SLC2A9: variants seen among roughly 807,000 people sequenced by gnomAD.
SLC2A9 encodes the protein solute carrier family 2 member 9, also known as solute carrier family 2, facilitated glucose transporter member 9.
A neutral mutation model predicts 50.6 loss-of-function variants in SLC2A9; 39 were observed. The ratio of observed to expected loss-of-function variants is 0.77; its 90% CI spans 0.60 to 1.01. The LOEUF (loss-of-function observed/expected upper bound fraction) is 1.01, where lower values mean the gene tolerates loss of function less well. Among genes scored for constraint, SLC2A9 ranks in the 50% least tolerant of loss-of-function variants. The pLI, the probability that SLC2A9 is intolerant of heterozygous loss-of-function variation, is 0.00. For missense variants in SLC2A9, 686 were observed against 677.6 expected (o/e 1.01, Z -0.14); for synonymous variants, 324 against 276.9 (o/e 1.17, Z -1.69).
intron 6 of SLC2A9, among the ~76,000 whole-genome samples, chr4:9,941,658 G>A (rs571970928): frequency 5.9e-5 from 9 of 152,302 alleles, no homozygotes; most frequent in East Asian, 5.8e-4. Flanking sequence ...GGGAACCTGC[G>A]TCTTATCTTG....
In SLC2A9 at chr4:9,941,936, T is replaced by G. The variant is rs150297497; in HGVS notation, c.791A>C (p.His264Pro). 4 of 1,614,020 alleles carry G rather than the reference T, an allele frequency of 2.5e-6. No individual in the cohort carries two copies. In the African/African-American group the frequency reaches 5.3e-5, roughly 22 times the overall value. The change falls in exon 6 of 12, where the codon CAC (histidine) becomes CCC (proline). Residue 264 changes from histidine to proline, a missense_variant. Coordinates refer to ENST00000264784, the MANE Select transcript of SLC2A9 (RefSeq NM_020041.3). ...ACCTTTCACAGCTCTTGCCTCGTTG[T>G]GCTTCTCCAAGAGCAGGTAGCGTGG... ...DSPRYLLLEK[H>P]NEARAVKAFQ...
chr4:9,797,352 GCTAA>G (rs1327015422), downstream of SLC2A9, among the ~76,000 whole-genome samples: 1 of 152,196 alleles, frequency 6.6e-6, no homozygotes, highest in African/African-American at 2.4e-5. Context: ...CTAGAAAATG[GCTAA>G]GCCTAGAACC....
intron 2 of SLC2A9, among the ~76,000 whole-genome samples, chr4:10,012,575 G>T (rs1272001913): frequency 6.6e-6 from 1 of 152,160 alleles, no homozygotes; most frequent in East Asian, 1.9e-4. Context: ...ATTCGGTGAG[G>T]GCTAAAGCGT....
chr4:9,967,586 A>T (rs144742400), intron 5 of SLC2A9, among the ~76,000 whole-genome samples: 2,798 of 151,982 alleles, frequency 0.018, 31 homozygotes, highest in Non-Finnish European at 0.025. Flanking sequence ...TTTAAAAATA[A>T]TTTTTTTAAA....
intron 5 of SLC2A9, among the ~76,000 whole-genome samples, chr4:9,946,427 T>C (rs745387402): frequency 2.6e-5 from 4 of 152,166 alleles, no homozygotes; most frequent in South Asian, 2.1e-4. Context: ...CAAGTTCTTA[T>C]AAAGGATGTT....
intron 3 of SLC2A9, among the ~76,000 whole-genome samples, chr4:9,814,068 A>C (rs1723231813): frequency 6.6e-6 from 1 of 152,258 alleles, no homozygotes; most frequent in Non-Finnish European, 1.5e-5. Flanking sequence ...TGAACCTGAG[A>C]GGCGGAGGTT....
At chr4:9,984,344 A>G (rs1756359653) in intron 4 of SLC2A9, among the ~76,000 whole-genome samples, 1 of 152,186 alleles carries the variant, frequency 6.6e-6, no homozygotes, top group Non-Finnish European at 1.5e-5. Flanking sequence ...CTTTTAAGAC[A>G]TCGACAAGGA....
intron 6 of SLC2A9, among the ~76,000 whole-genome samples, chr4:9,925,414 C>T (rs1025759650): frequency 6.6e-6 from 1 of 152,078 alleles, no homozygotes; most frequent in Non-Finnish European, 1.5e-5. Flanking sequence ...CGCCCCCTGA[C>T]CAGGGGCCAT....
At chr4:9,779,664 T>A (rs1278552099), downstream of SLC2A9, 1 of 152,094 alleles carries the variant, frequency 6.6e-6, no homozygotes, top group Non-Finnish European at 1.5e-5. Context: ...TCCACCCACC[T>A]CGGCCTCCCA....
At chr4:9,934,364 C>T (rs1251056791) in intron 6 of SLC2A9, among the ~76,000 whole-genome samples, 1 of 152,234 alleles carries the variant, frequency 6.6e-6, no homozygotes, top group African/African-American at 2.4e-5. Context: ...TAGCTGGACA[C>T]TTTCTTGACC....
chr4:9,886,415 C>G (rs961002518), intron 10 of SLC2A9, among the ~76,000 whole-genome samples: 1 of 148,772 alleles, frequency 6.7e-6, no homozygotes, highest in African/African-American at 2.5e-5. Context: ...TCTGACCACC[C>G]TCATAGCACT....
At chr4:9,878,985 A>G (rs1734748038) in intron 10 of SLC2A9, 5 of 962,504 alleles carry the variant, frequency 5.2e-6, no homozygotes, top group Non-Finnish European at 6.2e-6. Context: ...CACACACCAC[A>G]CAGTAGGAAC....
intron 8 of SLC2A9, among the ~76,000 whole-genome samples, chr4:9,892,418 G>C (rs1737663925): frequency 1.3e-5 from 2 of 152,146 alleles, no homozygotes; most frequent in African/African-American, 4.8e-5. Flanking sequence ...AGGGAAGAAG[G>C]GCAGACTCAA....
intron 2 of SLC2A9, among the ~76,000 whole-genome samples, chr4:10,014,328 C>T (rs3796831): frequency 6.6e-6 from 1 of 152,192 alleles, no homozygotes; most frequent in Non-Finnish European, 1.5e-5. Flanking sequence ...TACAGAGGCA[C>T]CTACATGGTG....
intron 6 of SLC2A9, among the ~76,000 whole-genome samples, chr4:9,924,590 C>CT (rs1326259813): frequency 3.3e-5 from 5 of 152,214 alleles, no homozygotes; most frequent in African/African-American, 9.6e-5. Flanking sequence ...ATTGTACCCT[C>CT]TCCTTCCCTG....
intron 3 of SLC2A9, among the ~76,000 whole-genome samples, chr4:9,806,314 A>T (rs1231270782): frequency 6.6e-6 from 1 of 152,258 alleles, no homozygotes; most frequent in Non-Finnish European, 1.5e-5. Flanking sequence ...CTTAAACAAC[A>T]AACAACAGCA....
intron 5 of SLC2A9, among the ~76,000 whole-genome samples, chr4:9,960,547 C>G (rs1752104046): frequency 1.3e-5 from 2 of 152,200 alleles, no homozygotes; most frequent in Admixed American, 1.3e-4. Flanking sequence ...GTACCCCTAT[C>G]TGATCAAAGG....
intron 3 of SLC2A9, chr4:9,783,035 G>T: frequency 6.2e-7 from 1 of 1,614,220 alleles, no homozygotes; most frequent in Non-Finnish European, 8.5e-7. Flanking sequence ...CTTCCCCTGC[G>T]TCAGTGAGAC....
intron 8 of SLC2A9, 100 bp from the exon 9 acceptor site, chr4:9,890,811 A>T (rs1737264883): frequency 2.9e-6 from 3 of 1,035,650 alleles, no homozygotes; most frequent in Non-Finnish European, 4.4e-6. Flanking sequence ...ATGATTAAAA[A>T]CCGGCTTTGA....
Sources: gnomAD v4.1 joint callset for allele counts (sites outside exome capture counted in the v4.1 genomes callset) on GRCh38, gnomAD v4.1.1 for gene constraint, MANE v1.5 for transcripts, NCBI Gene and HGNC (gene_info 2026-07-23, HGNC 2026-07-21) for gene names.